The following HPRT1 variants were observed in gnomAD, a reference collection of about 807,000 sequenced individuals.
HPRT1 encodes hypoxanthine phosphoribosyltransferase 1, also known as hypoxanthine-guanine phosphoribosyltransferase.
Under a neutral mutation model 19.0 loss-of-function variants are expected in HPRT1, and 4 were observed. The observed-to-expected ratio is 0.21, with a 90% CI of 0.10 to 0.48. The LOEUF (loss-of-function observed/expected upper bound fraction) is 0.48, where lower values mean the gene tolerates loss of function less well. Among genes scored for constraint, HPRT1 ranks in the 20% least tolerant of loss-of-function variants. The probability of loss-of-function intolerance (pLI) is 0.98; values close to 1 mark genes in which losing one functional copy is unlikely to be tolerated. For missense variants in HPRT1, 65 were observed against 164.0 expected, an observed-to-expected ratio of 0.40 and a Z score of 3.30; for synonymous variants, 53 against 54.9, an observed-to-expected ratio of 0.97 and a Z score of 0.15.
rs745897946 is a variant in HPRT1 at position 134,486,428 on chromosome X, G to GAT, written c.319-23_319-22dup. The stretch of plus-strand genomic sequence containing the variant: ...ATATACATATACATATGTGTGTGTA[G>GAT]ATATATATATATATAGTTTTTTTTT... On this transcript the variant is annotated intron_variant, in intron 3 of 8. Coordinates refer to ENST00000298556, the MANE Select transcript of HPRT1 (RefSeq NM_000194.3). 1.6e-3 allele frequency: 1,049 copies of GAT among 660,397 alleles called. 1 individual carries two copies. The highest frequency in any genetic ancestry group is 3.2e-3 in the Middle Eastern group (6 of 1,864). 54.4% of individuals were successfully genotyped at this position (660,397 alleles called of 1,213,427 possible). A position where few individuals can be genotyped will look rare whatever the true frequency, so the allele number is the denominator to read the frequency against.
chrX:134,498,580 C>G, intron 7 of HPRT1, 28 bp from the exon 8 acceptor site: 1 of 1,091,088 alleles, frequency 9.2e-7, no homozygotes, highest in Non-Finnish European at 1.3e-6. Context: ...TTTTCTTTAT[C>G]TAAATGATGA....
chrX:134,465,046 G>A (rs1192160158), intron 1 of HPRT1, among the ~76,000 whole-genome samples: 2 of 108,921 alleles, frequency 1.8e-5, no homozygotes, highest in African/African-American at 6.7e-5. Flanking sequence ...TCAGCCTCCC[G>A]AGTAGCTGGA....
chrX:134,461,610 A>G (rs563361188), intron 1 of HPRT1, among the ~76,000 whole-genome samples: 4 of 112,222 alleles, frequency 3.6e-5, no homozygotes, highest in South Asian at 3.7e-4. Context: ...AAGACAGTCT[A>G]TGTGAATCAG....
At chrX:134,494,950 CT>C (rs1277204149) in intron 6 of HPRT1, among the ~76,000 whole-genome samples, 1 of 111,595 alleles carries the variant, frequency 9.0e-6, no homozygotes, top group Admixed American at 9.5e-5. Flanking sequence ...TTTCATGTAT[CT>C]TCTTTGAACC....
intron 1 of HPRT1, among the ~76,000 whole-genome samples, chrX:134,470,728 TTAAC>T (rs1416903757): frequency 1.8e-5 from 2 of 110,434 alleles, no homozygotes; most frequent in Non-Finnish European, 3.8e-5. Flanking sequence ...GTATTATAAA[TTAAC>T]TAATAAAAAT....
At chrX:134,469,138 ACTGT>A (rs770872705) in intron 1 of HPRT1, among the ~76,000 whole-genome samples, 1 of 111,110 alleles carries the variant, frequency 9.0e-6, no homozygotes, top group African/African-American at 3.3e-5. Flanking sequence ...AGTTCTGACA[ACTGT>A]CTGTCTATAG....
At chrX:134,468,457 AT>A (rs1328465590) in intron 1 of HPRT1, among the ~76,000 whole-genome samples, 1 of 109,578 alleles carries the variant, frequency 9.1e-6, no homozygotes, top group Non-Finnish European at 1.9e-5. Context: ...TACAAAAAAA[AT>A]ACAAAAGAAT....
At chrX:134,472,276 T>G (rs1026989565) in intron 1 of HPRT1, among the ~76,000 whole-genome samples, 15 of 111,132 alleles carry the variant, frequency 1.3e-4, no homozygotes, top group African/African-American at 4.6e-4. Flanking sequence ...ACCATGCCAG[T>G]TTTTCCTGTT....
At chrX:134,498,273 T>TGACC (rs1407707971) in intron 6 of HPRT1, 117 bp from the exon 7 acceptor site, 56 of 617,262 alleles carry the variant, frequency 9.1e-5, no homozygotes, top group Non-Finnish European at 9.4e-5. Context: ...GTGTTAAAAG[T>TGACC]GACCATGGTA....
At chrX:134,488,629 G>A (rs776716461) in intron 4 of HPRT1, among the ~76,000 whole-genome samples, 5 of 111,187 alleles carry the variant, frequency 4.5e-5, no homozygotes, top group African/African-American at 1.6e-4. Context: ...CATTTATTAA[G>A]TAGAGATGTA....
intron 1 of HPRT1, among the ~76,000 whole-genome samples, chrX:134,465,946 T>C: frequency 9.0e-6 from 1 of 111,352 alleles, no homozygotes; most frequent in South Asian, 3.8e-4. Flanking sequence ...CTAGCCATTT[T>C]TATGTTGGGT....
chrX:134,461,800 A>G (rs1038804196), intron 1 of HPRT1, among the ~76,000 whole-genome samples: 1 of 112,141 alleles, frequency 8.9e-6, no homozygotes, highest in African/African-American at 3.2e-5. Context: ...TCATACAGTT[A>G]TTAAGAGAAG....
chrX:134,500,399 T>C lies in HPRT1; in HGVS notation c.*322T>C, dbSNP rs996839169. 1 of 192,426 alleles carries C rather than the reference T, an allele frequency of 5.2e-6. No individual in the cohort carries two copies. Among genetic ancestry groups the C allele is most frequent in the Non-Finnish European group, 9.6e-6 (1 of 104,255 alleles). The allele number at this position is 192,426 out of a possible 1,213,427, so 15.9% of individuals were successfully genotyped here. ...AAGAAATAAAGAGAAGATATATTAG[T>C]TTTTTAATTGGTATTTTAATTTTTA... On this transcript the variant is annotated 3_prime_UTR_variant, in exon 9 of 9. Coordinates refer to ENST00000298556, the MANE Select transcript of HPRT1 (RefSeq NM_000194.3).
intron 3 of HPRT1, among the ~76,000 whole-genome samples, chrX:134,484,327 CT>C (rs1556028316): frequency 9.0e-6 from 1 of 111,585 alleles, no homozygotes; most frequent in African/African-American, 3.3e-5. Context: ...TTTCTTCTTT[CT>C]TTTTTTTCCC....
Position 134,460,335 on chromosome X carries a change from C to A in HPRT1, c.24C>A (p.Val8=). The A allele has an allele frequency of 8.9e-7, 1 of 1,123,735 alleles. No individual in the cohort carries two copies. Among genetic ancestry groups the A allele is most frequent in the South Asian group, 2.0e-5 (1 of 50,680 alleles). 92.6% of individuals were successfully genotyped at this position (1,123,735 alleles called of 1,213,427 possible). Reference sequence around the variant, plus strand: ...TTATGGCGACCCGCAGCCCTGGCGTCGTGGTGAGCAGCTCGGCCTGCCGGC... The same window carrying A: ...TTATGGCGACCCGCAGCCCTGGCGTAGTGGTGAGCAGCTCGGCCTGCCGGC... MATRSPG[V]VISDDEPGYD... The change falls in exon 1 of 9, where the codon GTC becomes GTA. Residue 8 remains valine, a synonymous_variant. Coordinates refer to ENST00000298556, the MANE Select transcript of HPRT1 (RefSeq NM_000194.3).
At chrX:134,481,845 G>C (rs1372933892) in intron 3 of HPRT1, among the ~76,000 whole-genome samples, 1 of 111,264 alleles carries the variant, frequency 9.0e-6, no homozygotes, top group Non-Finnish European at 1.9e-5. Context: ...AAAAAATTAA[G>C]AAAATTGAAT....
chrX:134,498,796 C>G, intron 8 of HPRT1, 112 bp downstream of exon 8: 1 of 558,652 alleles, frequency 1.8e-6, no homozygotes, highest in Non-Finnish European at 3.1e-6. Flanking sequence ...CTGATGGTTC[C>G]CATTAGTCAC....
chrX:134,485,477 G>A (rs17880051), intron 3 of HPRT1, among the ~76,000 whole-genome samples: 1,891 of 111,508 alleles, frequency 0.017, 50 homozygotes, highest in African/African-American at 0.057. Flanking sequence ...ATTTTAATCC[G>A]TCTGGAATTT....
intron 4 of HPRT1, 115 bp from the exon 5 acceptor site, chrX:134,490,073 C>T (rs1403802909): frequency 7.7e-6 from 3 of 389,365 alleles, no homozygotes; most frequent in Non-Finnish European, 1.3e-5. Context: ...TATAATAAAG[C>T]ATCTAAAAAC....
Sources: gnomAD v4.1 joint callset for allele counts (sites outside exome capture counted in the v4.1 genomes callset) on GRCh38, gnomAD v4.1.1 for gene constraint, MANE v1.5 for transcripts, NCBI Gene and HGNC (gene_info 2026-07-23, HGNC 2026-07-21) for gene names.